Variants in XRRA1 observed in about 807,000 individuals in gnomAD.
XRRA1 encodes the protein X-ray radiation resistance associated 1.
A neutral mutation model predicts 80.2 loss-of-function variants in XRRA1; 69 were observed. The observed-to-expected ratio is 0.86, with a 90% CI of 0.71 to 1.05. The LOEUF (loss-of-function observed/expected upper bound fraction) is 1.05, where lower values mean the gene tolerates loss of function less well. Among genes scored for constraint, XRRA1 ranks in the 50% least tolerant of loss-of-function variants. The probability of loss-of-function intolerance (pLI) is 0.00; values close to 1 mark genes in which losing one functional copy is unlikely to be tolerated. For missense variants in XRRA1, 967 were observed against 976.4 expected, an observed-to-expected ratio of 0.99 and a Z score of 0.13; for synonymous variants, 348 against 389.9, an observed-to-expected ratio of 0.89 and a Z score of 1.27.
chr11:74,887,675 A>C (rs2049397911), intron 10 of XRRA1, among the ~76,000 whole-genome samples: 1 of 152,050 alleles, frequency 6.6e-6, no homozygotes, highest in South Asian at 2.1e-4. Flanking sequence ...TTTCCTACTC[A>C]AAGAAAGGGG....
In XRRA1 at chr11:74,841,972, T is replaced by C. The variant is rs1039866544; in HGVS notation, c.*1228A>G. The C allele has an allele frequency of 1.3e-5, 2 of 151,840 alleles. No homozygotes were observed. The highest frequency in any genetic ancestry group is 1.3e-4 in the Admixed American group (2 of 15,242). The allele number at this position is 151,840 out of a possible 1,614,324, so 9.4% of individuals were successfully genotyped here. On this transcript the variant is annotated 3_prime_UTR_variant, in exon 19 of 19. Transcript: ENST00000684022. ...AGTCCTAGTGAGAGAATAGATACTA[T>C]GCAAGGGAAAAAAATTTAAATGCCA...
Position 74,915,476 on chromosome 11 carries a change from A to G in XRRA1, c.656+5738T>C, listed in dbSNP as rs76368656. 1.1e-4 allele frequency among the ~76,000 whole-genome samples: 16 copies of G among 152,282 alleles called. No individual in the cohort carries two copies. In the East Asian group the frequency reaches 3.1e-3, roughly 29 times the overall value. ...TGAAGGCTACACACTTCCTTTCACC[A>G]TAGCAAATCTGGTTATGACCCTTGC... On this transcript the variant is annotated intron_variant, in intron 8 of 18. Transcript: ENST00000684022.
rs1178462764 is a variant in XRRA1 at position 74,879,300 on chromosome 11, T to C, written c.1004-16279A>G. Among the ~76,000 whole-genome samples the C allele has an allele frequency of 1.6e-4, 25 of 151,906 alleles. 1 individual carries two copies. Among genetic ancestry groups the C allele is most frequent in the Non-Finnish European group, 5.9e-5 (4 of 67,986 alleles). On this transcript the variant is annotated intron_variant, in intron 10 of 18. Coordinates refer to ENST00000684022, the MANE Select transcript of XRRA1 (RefSeq NM_001378157.1). ...TGGTGTATAAGAATGCTTGTGATTT[T>C]TGTACATTGACTTTGTATCCTGAGA...
At chr11:74,862,535 G>A (rs2042523593) in intron 11 of XRRA1, among the ~76,000 whole-genome samples, 2 of 152,230 alleles carry the variant, frequency 1.3e-5, no homozygotes, top group Admixed American at 1.3e-4. Context: ...TGAAAATCAA[G>A]GGTCTAAGCC....
chr11:74,886,649 T>G (rs974702664), intron 10 of XRRA1, among the ~76,000 whole-genome samples: 1 of 152,104 alleles, frequency 6.6e-6, no homozygotes, highest in Non-Finnish European at 1.5e-5. Flanking sequence ...CCAAAGCAAT[T>G]TATAGATTCA....
At chr11:74,902,257 A>T (rs1249209045) in intron 10 of XRRA1, among the ~76,000 whole-genome samples, 2 of 152,264 alleles carry the variant, frequency 1.3e-5, no homozygotes, top group Non-Finnish European at 2.9e-5. Flanking sequence ...TCCAAAAGTC[A>T]GGCAATAACA....
intron 3 of XRRA1, among the ~76,000 whole-genome samples, chr11:74,938,458 G>A (rs189283350): frequency 1.5e-4 from 23 of 152,238 alleles, no homozygotes; most frequent in South Asian, 4.1e-4. Context: ...GGAGATCAAC[G>A]GGAGAGAAAA....
At chr11:74,924,034 G>C (rs1330018212) in intron 7 of XRRA1, among the ~76,000 whole-genome samples, 2 of 151,666 alleles carry the variant, frequency 1.3e-5, no homozygotes, top group South Asian at 2.1e-4. Flanking sequence ...GTAGAGACAC[G>C]GTCTCATTTT....
intron 5 of XRRA1, chr11:74,931,674 T>A (rs570292557): frequency 6.6e-6 from 1 of 152,360 alleles, no homozygotes; most frequent in South Asian, 2.1e-4. Flanking sequence ...TTTGAATATA[T>A]TGCAAGTTTA....
chr11:74,843,612 CT>C lies in XRRA1; in HGVS notation c.2150-160del. The C allele has an allele frequency of 5.0e-6, 5 of 998,012 alleles. No individual in the cohort carries two copies. In the South Asian group the frequency reaches 8.3e-5, roughly 17 times the overall value. 61.8% of individuals were successfully genotyped at this position (998,012 alleles called of 1,614,324 possible). A position where few individuals can be genotyped will look rare whatever the true frequency, so the allele number is the denominator to read the frequency against. Reference sequence around the variant, plus strand: ...CCTTTCCAGCTTGGGAAGTCACTGACTTCCTACTGCCCCTATGCATTGACTC... The same window carrying C: ...CCTTTCCAGCTTGGGAAGTCACTGACTCCTACTGCCCCTATGCATTGACTC... On this transcript the variant is annotated intron_variant, in intron 18 of 18. Transcript: ENST00000684022.
At chr11:74,909,735 G>A (rs763054285) in intron 8 of XRRA1, among the ~76,000 whole-genome samples, 4 of 152,080 alleles carry the variant, frequency 2.6e-5, no homozygotes, top group Non-Finnish European at 4.4e-5. Context: ...TGGAGAAGCC[G>A]GGGTTTCCAG....
intron 10 of XRRA1, among the ~76,000 whole-genome samples, chr11:74,898,380 A>G (rs2052859600): frequency 6.6e-6 from 1 of 152,146 alleles, no homozygotes; most frequent in African/African-American, 2.4e-5. Flanking sequence ...ACAACAAGAA[A>G]ATACAACAAA....
At chr11:74,906,584 C>T (rs143341507) in intron 9 of XRRA1, 128 bp from the exon 10 acceptor site, 14,327 of 1,011,048 alleles carry the variant, frequency 0.014, 121 homozygotes, top group Middle Eastern at 0.019. Context: ...GACGTTGAGC[C>T]GGTGACTTAC....
intron 12 of XRRA1, among the ~76,000 whole-genome samples, chr11:74,853,578 C>T (rs2040403791): frequency 6.6e-6 from 1 of 152,192 alleles, no homozygotes; most frequent in South Asian, 2.1e-4. Flanking sequence ...GATGACAGAA[C>T]ATAGCCAGAG....
intron 15 of XRRA1, among the ~76,000 whole-genome samples, 199 bp from the exon 16 acceptor site, chr11:74,845,470 G>A (rs773178833): frequency 8.5e-5 from 13 of 152,226 alleles, no homozygotes; most frequent in Non-Finnish European, 1.6e-4. Flanking sequence ...GTGGTTTTGG[G>A]TGATCCCAGA....
chr11:74,944,736 C>A (rs951594280), intron 2 of XRRA1, among the ~76,000 whole-genome samples: 3 of 152,122 alleles, frequency 2.0e-5, no homozygotes, highest in African/African-American at 7.2e-5. Context: ...TAGCATAGAG[C>A]CTACGACTCA....
chr11:74,857,844 C>T (rs1195222060), intron 12 of XRRA1, among the ~76,000 whole-genome samples: 1 of 152,116 alleles, frequency 6.6e-6, no homozygotes, highest in African/African-American at 2.4e-5. Context: ...AATTAACTAA[C>T]TTATAAATAA....
intron 1 of XRRA1, among the ~76,000 whole-genome samples, chr11:74,946,616 G>T (rs752970564): frequency 6.6e-5 from 10 of 152,158 alleles, no homozygotes; most frequent in Non-Finnish European, 1.3e-4. Context: ...GTTCTTTATA[G>T]CAGTGTGAAA....
intron 12 of XRRA1, among the ~76,000 whole-genome samples, chr11:74,856,789 A>ACCAACC (rs1257714668): frequency 1.3e-5 from 2 of 152,192 alleles, no homozygotes; most frequent in Non-Finnish European, 2.9e-5. Context: ...AGGGGGCCTT[A>ACCAACC]CCAACCCTTC....
Sources: allele counts gnomAD v4.1 joint callset (sites outside exome capture counted in the v4.1 genomes callset), GRCh38; gene constraint gnomAD v4.1.1; transcripts MANE v1.5; gene names NCBI Gene and HGNC (gene_info 2026-07-23, HGNC 2026-07-21).